The following IQCJ variants were observed in gnomAD, a reference collection of about 807,000 sequenced individuals.
IQCJ encodes the protein IQ domain-containing protein J.
A neutral mutation model predicts 11.0 loss-of-function variants in IQCJ; 9 were observed. That is an observed-to-expected ratio of 0.82 (90% CI 0.49 to 1.43). IQCJ has a LOEUF of 1.43. IQCJ is among the 40% of genes most tolerant of loss of function. IQCJ has a pLI of 0.00. For missense variants in IQCJ, 146 were observed against 133.2 expected (o/e 1.10, Z -0.47); for synonymous variants, 55 against 51.3 (o/e 1.07, Z -0.31).
intron 1 of IQCJ, among the ~76,000 whole-genome samples, chr3:159,070,486 A>G (rs1715494526): frequency 6.6e-6 from 1 of 152,148 alleles, no homozygotes. Context: ...ATGTGTATGT[A>G]TATTTCTAAC....
At chr3:159,254,350 C>T (rs566234888) in intron 3 of IQCJ, among the ~76,000 whole-genome samples, 1 of 152,234 alleles carries the variant, frequency 6.6e-6, no homozygotes, top group African/African-American at 2.4e-5. Flanking sequence ...AATCTCTGTG[C>T]TTCAGATTCC....
intron 2 of IQCJ, among the ~76,000 whole-genome samples, chr3:159,252,354 G>C (rs1349576321): frequency 6.6e-6 from 1 of 152,228 alleles, no homozygotes; most frequent in African/African-American, 2.4e-5. Context: ...CTGGGGATGA[G>C]TAAGGTCTTC....
intron 1 of IQCJ, among the ~76,000 whole-genome samples, chr3:159,227,548 A>G (rs1274107494): frequency 1.3e-5 from 2 of 152,214 alleles, no homozygotes; most frequent in Non-Finnish European, 2.9e-5. Flanking sequence ...TATAGATTCA[A>G]TGGCTGTCTC....
At chr3:159,069,466 T>C (rs1715387442) in intron 1 of IQCJ, 25 bp downstream of exon 1, 3 of 1,607,318 alleles carry the variant, frequency 1.9e-6, no homozygotes, top group Admixed American at 1.7e-5. Flanking sequence ...TTTCTAAACG[T>C]GCCACTTTGA....
intron 1 of IQCJ, among the ~76,000 whole-genome samples, chr3:159,116,568 A>G (rs1227992645): frequency 4.2e-5 from 6 of 143,448 alleles, no homozygotes; most frequent in Non-Finnish European, 7.6e-5. Context: ...ATGCATTTCT[A>G]TGAAAGAGCT....
At chr3:159,174,469 AT>A (rs1722664962) in intron 1 of IQCJ, among the ~76,000 whole-genome samples, 1 of 152,168 alleles carries the variant, frequency 6.6e-6, no homozygotes, top group Non-Finnish European at 1.5e-5. Flanking sequence ...ATCACTAAAA[AT>A]AACAGTAAAA....
intron 1 of IQCJ, among the ~76,000 whole-genome samples, chr3:159,213,394 G>C (rs1725057026): frequency 6.6e-6 from 1 of 152,132 alleles, no homozygotes; most frequent in South Asian, 2.1e-4. Flanking sequence ...CATGACTTTG[G>C]ACAAGGTGTT....
intron 1 of IQCJ, among the ~76,000 whole-genome samples, chr3:159,192,935 C>A (rs1215842764): frequency 6.6e-6 from 1 of 152,224 alleles, no homozygotes; most frequent in Non-Finnish European, 1.5e-5. Flanking sequence ...TGCAGCTGGT[C>A]TTAGGGTCAC....
chr3:159,252,509 A>C (rs1163880152), intron 2 of IQCJ, among the ~76,000 whole-genome samples: 1 of 152,224 alleles, frequency 6.6e-6, no homozygotes, highest in Non-Finnish European at 1.5e-5. Flanking sequence ...GTTAGTTGAG[A>C]ACAGCAAAAG....
chr3:159,223,222 C>G (rs925922001), intron 1 of IQCJ, among the ~76,000 whole-genome samples: 4 of 151,958 alleles, frequency 2.6e-5, no homozygotes, highest in African/African-American at 9.7e-5. Flanking sequence ...AGATGTGAGC[C>G]TATGAAGTGA....
intron 1 of IQCJ, among the ~76,000 whole-genome samples, chr3:159,167,328 A>G (rs1722227700): frequency 6.6e-6 from 1 of 152,238 alleles, no homozygotes; most frequent in African/African-American, 2.4e-5. Context: ...TCTGAAAAGG[A>G]AAATTGGTCA....
At chr3:159,136,052 T>C (rs1418727740) in intron 1 of IQCJ, among the ~76,000 whole-genome samples, 6 of 152,172 alleles carry the variant, frequency 3.9e-5, no homozygotes, top group African/African-American at 1.4e-4. Context: ...TTAAGTAGAT[T>C]GCTCAAGACA....
rs1057247499 is a variant in IQCJ at position 159,222,496 on chromosome 3, C to G, written c.10-23347C>G. On this transcript the variant is annotated intron_variant, in intron 1 of 3. Coordinates refer to ENST00000397832, the MANE Select transcript of IQCJ (RefSeq NM_001042706.3). The stretch of plus-strand genomic sequence containing the variant: ...TCCCCTGTATGTGGAATTAAAAAGT[C>G]AAATTCATAGAAACAGAGTAGAATG... Among the ~76,000 whole-genome samples the G allele has an allele frequency of 2.7e-4, 41 of 152,000 alleles. 1 individual carries two copies. The highest frequency in any genetic ancestry group is 2.9e-5 in the Non-Finnish European group (2 of 67,974).
In IQCJ at chr3:159,244,526, C is replaced by A. The variant is rs571583677; in HGVS notation, c.10-1317C>A. Among the ~76,000 whole-genome samples, 4 of 152,294 alleles carry A rather than the reference C, an allele frequency of 2.6e-5. No individual in the cohort carries two copies. In the East Asian group the frequency reaches 5.8e-4, roughly 22 times the overall value. ...TACTAGACCTCTTTTCTGAACAATT[C>A]TTTGCTCTTCCTGCTCTAACAAAAA... On this transcript the variant is annotated intron_variant, in intron 1 of 3. Coordinates refer to ENST00000397832, the MANE Select transcript of IQCJ (RefSeq NM_001042706.3).
At chr3:159,126,826 C>A (rs540856697) in intron 1 of IQCJ, among the ~76,000 whole-genome samples, 2 of 152,112 alleles carry the variant, frequency 1.3e-5, no homozygotes, top group South Asian at 4.1e-4. Context: ...TACAGTGCTT[C>A]CAAGTTAAAT....
chr3:159,202,282 C>T (rs1259463258), intron 1 of IQCJ, among the ~76,000 whole-genome samples: 1 of 152,168 alleles, frequency 6.6e-6, no homozygotes, highest in Non-Finnish European at 1.5e-5. Flanking sequence ...GAACAGTTGC[C>T]AGCCTGAGAC....
At chr3:159,139,688 ACCTGCCAGGGTG>A (rs1720491418) in intron 1 of IQCJ, among the ~76,000 whole-genome samples, 1 of 152,200 alleles carries the variant, frequency 6.6e-6, no homozygotes, top group African/African-American at 2.4e-5. Context: ...GGGCTGGGAC[ACCTGCCAGGGTG>A]CTGCTCAACA....
intron 1 of IQCJ, among the ~76,000 whole-genome samples, chr3:159,206,151 T>G (rs1255079888): frequency 6.6e-6 from 1 of 152,236 alleles, no homozygotes; most frequent in African/African-American, 2.4e-5. Context: ...TTATTCCTTG[T>G]TTTCAGTTTC....
intron 1 of IQCJ, among the ~76,000 whole-genome samples, chr3:159,121,084 A>G (rs1719348300): frequency 6.6e-6 from 1 of 151,530 alleles, no homozygotes; most frequent in Non-Finnish European, 1.5e-5. Flanking sequence ...CCCAAGACAA[A>G]TATACCCAGC....
Sources: allele counts gnomAD v4.1 joint callset (sites outside exome capture counted in the v4.1 genomes callset), GRCh38; gene constraint gnomAD v4.1.1; transcripts MANE v1.5; gene names NCBI Gene and HGNC (gene_info 2026-07-23, HGNC 2026-07-21).